NDUFA10: variants seen among roughly 807,000 people sequenced by gnomAD.
NDUFA10 encodes the protein NADH:ubiquinone oxidoreductase subunit A10.
Under a neutral mutation model 47.8 loss-of-function variants are expected in NDUFA10, and 40 were observed. The ratio of observed to expected loss-of-function variants is 0.84; its 90% CI spans 0.65 to 1.09. The LOEUF (loss-of-function observed/expected upper bound fraction) is 1.09. NDUFA10 is among the 50% of genes least tolerant of loss of function. NDUFA10 has a pLI of 0.00. For synonymous variants in NDUFA10, 183 were observed against 172.2 expected, an observed-to-expected ratio of 1.06 and a Z score of -0.49; for missense variants, 413 against 451.1, an observed-to-expected ratio of 0.92 and a Z score of 0.76.
chr2:240,020,089 T>C (rs1697557421), intron 3 of NDUFA10, among the ~76,000 whole-genome samples: 1 of 152,232 alleles, frequency 6.6e-6, no homozygotes, highest in South Asian at 2.1e-4. Flanking sequence ...TAGATACGTG[T>C]CATGGACACA....
At chr2:239,905,380 C>T (rs963121471) in intron 4 of NDUFA10, among the ~76,000 whole-genome samples, 1 of 152,246 alleles carries the variant, frequency 6.6e-6, no homozygotes, top group Non-Finnish European at 1.5e-5. Flanking sequence ...GATTTCCAGG[C>T]ACCACATGTG....
At chr2:239,984,655 G>C (rs1424844905) in intron 9 of NDUFA10, among the ~76,000 whole-genome samples, 1 of 152,180 alleles carries the variant, frequency 6.6e-6, no homozygotes, top group East Asian at 1.9e-4. Flanking sequence ...GTCCCCTCCT[G>C]AACAACCAAA....
chr2:239,915,490 CACAG>C (rs1693848490), intron 4 of NDUFA10, among the ~76,000 whole-genome samples: 1 of 149,098 alleles, frequency 6.7e-6, no homozygotes, highest in Admixed American at 6.6e-5. Context: ...AGAACACACA[CACAG>C]ACACACACAA....
rs769661011 is a variant in NDUFA10, at chr2:240,021,218, A to T, written c.439T>A (p.Leu147Met). The T allele has an allele frequency of 1.9e-6, 3 of 1,614,174 alleles. No individual in the cohort carries two copies. The highest frequency in any genetic ancestry group is 2.5e-6 in the Non-Finnish European group (3 of 1,179,990). ...GCACCTGTGGTCAGCAAGTGCTCCAAGGCATCTGAGTACTGCAGCAGGCGA... is the reference window on the plus strand; with the variant it reads ...GCACCTGTGGTCAGCAAGTGCTCCATGGCATCTGAGTACTGCAGCAGGCGA... ...SSRLLQYSDA[L>M]EHLLTTGQGV... The change falls in exon 3 of 10, where the codon TTG (leucine) becomes ATG (methionine). Residue 147 changes from leucine (L) to methionine (M), a missense_variant. Coordinates refer to ENST00000252711, the MANE Select transcript of NDUFA10 (RefSeq NM_004544.4).
At chr2:239,980,531 T>C (rs1199713732) in intron 9 of NDUFA10, among the ~76,000 whole-genome samples, 1 of 152,200 alleles carries the variant, frequency 6.6e-6, no homozygotes, top group Admixed American at 6.5e-5. Context: ...AAATGTAGAC[T>C]TTCTAATTCA....
Position 239,970,012 on chromosome 2 carries a change from A to T in NDUFA10, c.1000-8826T>A, listed in dbSNP as rs186928164. Among the ~76,000 whole-genome samples the T allele has an allele frequency of 3.5e-4, 53 of 152,372 alleles. 1 individual carries two copies. In the East Asian group the frequency reaches 6.6e-3, roughly 19 times the overall value. On this transcript the variant is annotated intron_variant, in intron 9 of 9. Transcript: ENST00000252711. ...AACCAAACACTTTCCATGTGTTCTG[A>T]AAATGATAATCCTGCCACCCAAGAA... is the stretch of plus-strand genomic sequence containing the variant.
At chr2:239,967,496 G>C (rs1313238376) in intron 9 of NDUFA10, among the ~76,000 whole-genome samples, 1 of 152,208 alleles carries the variant, frequency 6.6e-6, no homozygotes, top group Non-Finnish European at 1.5e-5. Context: ...GCTCTTTAAA[G>C]GAAACCTTTG....
chr2:239,962,803 T>C (rs576785526), intron 9 of NDUFA10, among the ~76,000 whole-genome samples: 1 of 151,200 alleles, frequency 6.6e-6, no homozygotes, highest in Non-Finnish European at 1.5e-5. Flanking sequence ...ATAGTGGGAG[T>C]AGGAGCAAGA....
rs1574784224 is a variant in NDUFA10 at position 239,928,042 on chromosome 2, C to G, written c.295-32728G>C. On this transcript the variant is annotated intron_variant, in intron 4 of 5. Coordinates refer to the NDUFA10 transcript ENST00000419408. The surrounding 1 kb of genome is among the most constrained non-coding windows in gnomAD (Gnocchi z 4.3). ...AAGCAAAGACACAAAACACCAGTAC[C>G]CAGGTAAAGAGCGACTGAAGTCAAG... 8.6e-6 allele frequency among the ~76,000 whole-genome samples: 1 copy of G among 116,470 alleles called. No homozygotes were observed. The highest frequency in any genetic ancestry group is 1.9e-4 in the East Asian group (1 of 5,154). 76.4% of individuals were successfully genotyped at this position (116,470 alleles called of 152,430 possible).
At chr2:240,007,271 A>C in intron 7 of NDUFA10, 45 bp downstream of exon 7, 1 of 1,401,664 alleles carries the variant, frequency 7.1e-7, no homozygotes, top group East Asian at 2.3e-5. Context: ...CTTACACATG[A>C]ATCAAATGTA....
intron 4 of NDUFA10, among the ~76,000 whole-genome samples, chr2:239,944,321 G>A (rs1574795935): frequency 1.3e-5 from 2 of 152,238 alleles, no homozygotes; most frequent in Non-Finnish European, 2.9e-5. Context: ...TGGGTCTGGC[G>A]TCTGCTCCAG....
intron 4 of NDUFA10, among the ~76,000 whole-genome samples, chr2:239,926,720 G>A (rs910866878): frequency 1.1e-4 from 17 of 152,170 alleles, no homozygotes; most frequent in Non-Finnish European, 1.6e-4. Context: ...GTGTGCTACT[G>A]CTCCTGAAGA....
In NDUFA10 at chr2:239,982,835, G is replaced by A. The variant is rs1036592552; in HGVS notation, c.999+7239C>T. Among the ~76,000 whole-genome samples the A allele has an allele frequency of 5.3e-5, 8 of 152,168 alleles. No homozygotes were observed. In the South Asian group the frequency reaches 6.2e-4, roughly 12 times the overall value. On this transcript the variant is annotated intron_variant, in intron 9 of 9. Coordinates refer to ENST00000252711, the MANE Select transcript of NDUFA10 (RefSeq NM_004544.4). ...TTATAGTTAGGGTTTGATTTTTAAC[G>A]TGTTTTTAGAGCAACAGTTGTTTTT...
At chr2:239,929,128 C>A (rs1373217170) in intron 4 of NDUFA10, among the ~76,000 whole-genome samples, 1 of 152,204 alleles carries the variant, frequency 6.6e-6, no homozygotes, top group Admixed American at 6.5e-5. Context: ...AACAAGATCG[C>A]CACCCGGCGT....
intron 4 of NDUFA10, among the ~76,000 whole-genome samples, chr2:240,017,554 A>AC (rs1272567241): frequency 6.6e-6 from 1 of 151,588 alleles, no homozygotes; most frequent in African/African-American, 2.4e-5. Context: ...ACAGCCCCCA[A>AC]CCCCGGGCCC....
At position 239,961,179 on chromosome 2, in the gene NDUFA10, C is replaced by G. The variant is rs772509420; in HGVS notation, c.1007G>C (p.Gly336Ala). Residue 336 changes from glycine to alanine, a missense_variant, in exon 10 of 10, where the codon GGC becomes GCC. By Grantham distance (60) the Gly-to-Ala change is moderately conservative. Transcript: ENST00000252711. Reference protein sequence around the residue: ...RVLHQFRELPGRKYSPGYNTE... With the variant: ...RVLHQFRELPARKYSPGYNTE... ...GTTGTACCCAGGGCTGTACTTGCGG[C>G]CCGGCAGCTGTGGGGGAAAAAGGCA... is the stretch of plus-strand genomic sequence containing the variant. 6.2e-7 allele frequency: 1 copy of G among 1,605,622 alleles called. No individual in the cohort carries two copies. The highest frequency in any genetic ancestry group is 1.1e-5 in the South Asian group (1 of 90,906).
chr2:239,978,125 CT>C (rs1174010040), intron 9 of NDUFA10, among the ~76,000 whole-genome samples: 4 of 152,278 alleles, frequency 2.6e-5, no homozygotes, highest in African/African-American at 4.8e-5. Context: ...AGAGGCCCCC[CT>C]GCCTCTGGGA....
intron 4 of NDUFA10, among the ~76,000 whole-genome samples, chr2:239,941,170 G>T (rs567534945): frequency 1.3e-5 from 2 of 152,328 alleles, no homozygotes; most frequent in South Asian, 4.1e-4. Context: ...GGCAATAGAC[G>T]TATGACCCAT....
intron 4 of NDUFA10, among the ~76,000 whole-genome samples, chr2:239,944,249 C>G (rs2106380269): frequency 6.6e-6 from 1 of 152,362 alleles, no homozygotes; most frequent in African/African-American, 2.4e-5. Flanking sequence ...CCAGCCTAGA[C>G]CTTTCCATCA....
Sources: allele counts gnomAD v4.1 joint callset (sites outside exome capture counted in the v4.1 genomes callset), GRCh38; gene constraint gnomAD v4.1.1; non-coding constraint Gnocchi (gnomAD v3.1); transcripts MANE v1.5; gene names NCBI Gene and HGNC (gene_info 2026-07-23, HGNC 2026-07-21).